FAM118A: variants seen among roughly 807,000 people sequenced by gnomAD.
FAM118A encodes protein FAM118A.
FAM118A carries 25 observed loss-of-function variants against 38.2 expected under a neutral mutation model. That is an observed-to-expected ratio of 0.65 (90% CI 0.48 to 0.91). The LOEUF is 0.91. FAM118A is among the 40% of genes least tolerant of loss of function. The pLI is 0.00. For synonymous variants in FAM118A, 178 were observed against 184.1 expected (o/e 0.97, Z 0.27); for missense variants, 425 against 463.3 (o/e 0.92, Z 0.76).
In FAM118A at chr22:45,341,406, C is replaced by T. The variant is rs1185083161; in HGVS notation, c.*1001C>T. 6.6e-6 allele frequency: 1 copy of T among 152,146 alleles called. No individual in the cohort carries two copies. The highest frequency in any genetic ancestry group is 6.5e-5 in the Admixed American group (1 of 15,270). The allele number at this position is 152,146 out of a possible 1,614,324, so 9.4% of individuals were successfully genotyped here. A position where few individuals can be genotyped will look rare whatever the true frequency, so the allele number is the denominator to read the frequency against. On this transcript the variant is annotated 3_prime_UTR_variant, in exon 9 of 9. Coordinates refer to ENST00000441876, the MANE Select transcript of FAM118A (RefSeq NM_017911.4). Reference sequence around the variant, plus strand: ...ACTGACAACCGGGATAGCTCAAGTTCGAGAGACCAGGTTTCAAACATTATA... The same window carrying T: ...ACTGACAACCGGGATAGCTCAAGTTTGAGAGACCAGGTTTCAAACATTATA...
At chr22:45,324,813 G>A (rs1460727969) in intron 3 of FAM118A, among the ~76,000 whole-genome samples, 1 of 152,184 alleles carries the variant, frequency 6.6e-6, no homozygotes, top group Non-Finnish European at 1.5e-5. Flanking sequence ...TTGGGAGGCC[G>A]AGGCAGGCAG....
rs540363783 is a variant in FAM118A, at chr22:45,340,607, G to A, written c.*202G>A. On this transcript the variant is annotated 3_prime_UTR_variant, in exon 9 of 9. Coordinates refer to ENST00000441876, the MANE Select transcript of FAM118A (RefSeq NM_017911.4). ...GTTGAACTATGCAGGAGGGTGACGC[G>A]GACACATTTCAGGTGGACTTTGCAA... 3.9e-4 allele frequency: 235 copies of A among 604,820 alleles called. 5 individuals are homozygous for A. The South Asian group carries it at 4.6e-3, about 12-fold the overall frequency. 37.5% of individuals were successfully genotyped at this position (604,820 alleles called of 1,614,324 possible). A position where few individuals can be genotyped will look rare whatever the true frequency, so the allele number is the denominator to read the frequency against.
chr22:45,310,657 G>A (rs978742333), intron 1 of FAM118A, among the ~76,000 whole-genome samples: 3 of 152,146 alleles, frequency 2.0e-5, no homozygotes, highest in African/African-American at 4.8e-5. Context: ...GGCGTGGGTG[G>A]AAGTGTTCCC....
At chr22:45,322,118 G>GT in intron 1 of FAM118A, 1 of 1,341,472 alleles carries the variant, frequency 7.5e-7, no homozygotes, top group Non-Finnish European at 1.0e-6. Context: ...CTGTGTGTGC[G>GT]TTTTCCTTCT....
At chr22:45,332,157 G>A (rs1026585060) in intron 5 of FAM118A, among the ~76,000 whole-genome samples, 4 of 152,176 alleles carry the variant, frequency 2.6e-5, no homozygotes, top group African/African-American at 7.2e-5. Context: ...ACTGCCACCC[G>A]CCTCGGCCAA....
In FAM118A at chr22:45,336,347, T is replaced by G; in HGVS notation, c.990T>G (p.Cys330Trp). ...TTTTAGGTAATGCATGCCAGGACTG[T>G]GCAAAGAGGAAGTTAGAAGAGAATG... ...TTLLGNACQDCAKRKLEENGI... is the reference protein window; with the variant it reads ...TTLLGNACQDWAKRKLEENGI... Residue 330 changes from cysteine to tryptophan, a missense_variant, in exon 8 of 9, where the codon TGT becomes TGG. Coordinates refer to ENST00000441876, the MANE Select transcript of FAM118A (RefSeq NM_017911.4). 1 of 1,613,856 alleles carries G rather than the reference T, an allele frequency of 6.2e-7. No homozygotes were observed. The highest frequency in any genetic ancestry group is 8.5e-7 in the Non-Finnish European group (1 of 1,179,784).
At chr22:45,324,251 T>G (rs1453707459) in intron 3 of FAM118A, among the ~76,000 whole-genome samples, 1 of 152,212 alleles carries the variant, frequency 6.6e-6, no homozygotes, top group Non-Finnish European at 1.5e-5. Context: ...AATCCCCACC[T>G]AGAGACCCGG....
Position 45,332,453 on chromosome 22 carries a change from A to C in FAM118A, c.680A>C (p.Lys227Thr). 6.2e-7 allele frequency: 1 copy of C among 1,613,982 alleles called. No homozygotes were observed. The highest frequency in any genetic ancestry group is 1.3e-5 in the African/African-American group (1 of 75,040). ...MEVLQNLYRT[K>T]SFLFVGCGET... Reference sequence around the variant, plus strand: ...GTCCTCCAGAACTTATACCGCACCAAGTCCTTTCTGTTTGTGGGCTGTGGG... The same window carrying C: ...GTCCTCCAGAACTTATACCGCACCACGTCCTTTCTGTTTGTGGGCTGTGGG... Residue 227 changes from lysine (K) to threonine (T), a missense_variant, in exon 6 of 9, where the codon AAG (lysine) becomes ACG (threonine). Transcript: ENST00000441876.
chr22:45,313,881 A>G (rs2084488176), intron 1 of FAM118A, among the ~76,000 whole-genome samples: 1 of 152,198 alleles, frequency 6.6e-6, no homozygotes, highest in Non-Finnish European at 1.5e-5. Context: ...CTTTAATTTT[A>G]ATTAAATCTA....
Position 45,322,439 on chromosome 22 carries a change from A to G in FAM118A, c.47+13A>G, listed in dbSNP as rs1355856170. ...AACAAAAATCCAGGTAATTAAAGGC[A>G]ACTATACCTTCAAGCAGCTTCATTG... On this transcript the variant is annotated intron_variant, in intron 2 of 8. Coordinates refer to ENST00000441876, the MANE Select transcript of FAM118A (RefSeq NM_017911.4). The G allele has an allele frequency of 1.2e-6, 2 of 1,605,714 alleles. No homozygotes were observed. Among genetic ancestry groups the G allele is most frequent in the Admixed American group, 3.4e-5 (2 of 58,278 alleles).
rs17851057 is a variant in FAM118A, at chr22:45,327,961, G to A, written c.420G>A (p.Arg140=). ...VLQSILSLMD[R]GAMVLTTNYD... is the part of the protein sequence containing the mutation. Reference sequence around the variant, plus strand: ...AGTCGATCCTCAGCCTGATGGACAGGGGCGCCATGGTCCTGACCACCAACT... The same window carrying A: ...AGTCGATCCTCAGCCTGATGGACAGAGGCGCCATGGTCCTGACCACCAACT... Residue 140 remains arginine, a synonymous_variant, in exon 4 of 9, where the codon AGG becomes AGA. Coordinates refer to ENST00000441876, the MANE Select transcript of FAM118A (RefSeq NM_017911.4). The A allele has an allele frequency of 0.32, 509,748 of 1,588,386 alleles. 96,352 individuals are homozygous for A. Among genetic ancestry groups the A allele is most frequent in the African/African-American group, 0.77 (57,120 of 73,816 alleles).
chr22:45,340,389 A>G lies in FAM118A; in HGVS notation c.1058A>G (p.Asp353Gly). 6.2e-7 allele frequency: 1 copy of G among 1,614,200 alleles called. No homozygotes were observed. The highest frequency in any genetic ancestry group is 1.1e-5 in the South Asian group (1 of 91,084). ...SKKRTQSDTD[D>G]AGGS is the part of the protein sequence containing the mutation. The stretch of plus-strand genomic sequence containing the variant: ...TTTCATTCTTTTATTTAAACAGATG[A>G]TGCTGGAGGGTCTTGAAATCTTTAC... The change falls in exon 9 of 9, where the codon GAT becomes GGT. Residue 353 changes from aspartate (D) to glycine (G), a missense_variant. By Grantham distance (94) the Asp-to-Gly change is moderately conservative (BLOSUM62 -1). Coordinates refer to ENST00000441876, the MANE Select transcript of FAM118A (RefSeq NM_017911.4).
chr22:45,340,491 C>T lies in FAM118A; in HGVS notation c.*86C>T, dbSNP rs934606246. 23 of 1,477,402 alleles carry T rather than the reference C, an allele frequency of 1.6e-5. No homozygotes were observed. The highest frequency in any genetic ancestry group is 6.9e-5 in the African/African-American group (5 of 72,152). 91.5% of individuals were successfully genotyped at this position (1,477,402 alleles called of 1,614,324 possible). A position where few individuals can be genotyped will look rare whatever the true frequency, so the allele number is the denominator to read the frequency against. On this transcript the variant is annotated 3_prime_UTR_variant, in exon 9 of 9. Transcript: ENST00000441876. ...GAAGAGGAATGTATGGAGAACTCCA[C>T]GTGGATCTCTGATTGCGAAACCGTC...
chr22:45,322,882 A>G (rs563073345), intron 2 of FAM118A, among the ~76,000 whole-genome samples: 40 of 152,354 alleles, frequency 2.6e-4, no homozygotes, highest in Non-Finnish European at 4.1e-4. Flanking sequence ...TGCAGCTTCA[A>G]AGGAATGATA....
At chr22:45,335,871 T>A (rs545799149) in intron 7 of FAM118A, among the ~76,000 whole-genome samples, 1 of 152,324 alleles carries the variant, frequency 6.6e-6, no homozygotes, top group South Asian at 2.1e-4. Flanking sequence ...GCCATGAGCG[T>A]CCTCCTGTGT....
chr22:45,328,579 C>A (rs2085481173), intron 4 of FAM118A: 11 of 666,996 alleles, frequency 1.6e-5, no homozygotes, highest in Non-Finnish European at 2.5e-5. Context: ...CTGAAATGAG[C>A]TATGATCATG....
At chr22:45,322,500 G>C in intron 2 of FAM118A, 74 bp downstream of exon 2, 4 of 1,307,892 alleles carry the variant, frequency 3.1e-6, no homozygotes, top group Non-Finnish European at 4.3e-6. Flanking sequence ...GTGCGCACTC[G>C]TTCTTTAGTA....
chr22:45,332,634 C>G lies in FAM118A; in HGVS notation c.861C>G (p.Ser287=). 6.2e-7 allele frequency: 1 copy of G among 1,614,206 alleles called. No individual in the cohort carries two copies. The highest frequency in any genetic ancestry group is 8.5e-7 in the Non-Finnish European group (1 of 1,180,034). ...DMLLHGIKVV[S]YGDCFDHFPG... ...TTCTGCACGGAATCAAAGTTGTATCCTACGGGGACTGTTTTGACCACTTTC... is the reference window on the plus strand; with the variant it reads ...TTCTGCACGGAATCAAAGTTGTATCGTACGGGGACTGTTTTGACCACTTTC... Residue 287 remains serine (S), a synonymous_variant, in exon 6 of 9, where the codon TCC becomes TCG. Coordinates refer to ENST00000441876, the MANE Select transcript of FAM118A (RefSeq NM_017911.4).
rs142177743 is a variant in FAM118A, at chr22:45,332,011, G to A, written c.652-414G>A. Among the ~76,000 whole-genome samples, 515 of 152,294 alleles carry A rather than the reference G, an allele frequency of 3.4e-3. 2 individuals are homozygous for A. The highest frequency in any genetic ancestry group is 0.012 in the African/African-American group (493 of 41,556). On this transcript the variant is annotated intron_variant, in intron 5 of 8. Transcript: ENST00000441876. ...TGTTTTATGTGCATAATTCTGAACTGAAAACATTTACTGTCCTCATTTTGT... is the reference window on the plus strand; with the variant it reads ...TGTTTTATGTGCATAATTCTGAACTAAAAACATTTACTGTCCTCATTTTGT...
Sources: gnomAD v4.1 joint callset for allele counts (sites outside exome capture counted in the v4.1 genomes callset) on GRCh38, gnomAD v4.1.1 for gene constraint, MANE v1.5 for transcripts, NCBI Gene and HGNC (gene_info 2026-07-23, HGNC 2026-07-21) for gene names.